The following VWA3B variants were observed in gnomAD, a reference collection of about 807,000 sequenced individuals.
VWA3B encodes von Willebrand factor A domain containing 3B, also known as von Willebrand factor A domain-containing protein 3B.
A neutral mutation model predicts 158.3 loss-of-function variants in VWA3B; 138 were observed. The observed-to-expected ratio is 0.87, with a 90% confidence interval of 0.76 to 1.00. The LOEUF (loss-of-function observed/expected upper bound fraction) is 1.00, where lower values mean the gene tolerates loss of function less well. Among genes scored for constraint, VWA3B ranks in the 50% least tolerant of loss-of-function variants. The pLI is 0.00. For missense variants in VWA3B, 1,555 were observed against 1,565.1 expected (o/e 0.99, Z 0.11); for synonymous variants, 596 against 587.3 (o/e 1.01, Z -0.21).
chr2:98,290,789 A>C, intron 23 of VWA3B, 167 bp downstream of exon 23: 1 of 557,850 alleles, frequency 1.8e-6, no homozygotes, highest in Non-Finnish European at 3.1e-6. Context: ...CAGCTCATGA[A>C]ATGAGCGTAT....
chr2:98,311,919 A>G lies in VWA3B; in HGVS notation c.3622A>G (p.Lys1208Glu). 2 of 1,609,882 alleles carry G rather than the reference A, an allele frequency of 1.2e-6. No homozygotes were observed. Among genetic ancestry groups the G allele is most frequent in the Non-Finnish European group, 1.7e-6 (2 of 1,178,136 alleles). The change falls in exon 27 of 28, where the codon AAA (lysine) becomes GAA (glutamate). Residue 1208 changes from lysine to glutamate, a missense_variant. Physicochemically the swap from Lys to Glu is moderately conservative, Grantham distance 56. Coordinates refer to ENST00000477737, the MANE Select transcript of VWA3B (RefSeq NM_144992.5). ...REPRREKPRR[K>E]KRPAKQPLQQ... ...GCCAAGACGAGAGAAGCCCAGGAGG[A>G]AAAAGAGGCCCGCCAAGCAGCCACT...
At chr2:98,155,418 G>C (rs1431589965) in intron 7 of VWA3B, among the ~76,000 whole-genome samples, 1 of 152,188 alleles carries the variant, frequency 6.6e-6, no homozygotes, top group Non-Finnish European at 1.5e-5. Flanking sequence ...CCAGTGTGGC[G>C]GTGGGGAGCT....
chr2:98,313,701 G>C (rs1004026409), downstream of VWA3B, among the ~76,000 whole-genome samples: 6 of 152,358 alleles, frequency 3.9e-5, no homozygotes, highest in East Asian at 1.9e-4. Context: ...TTGGAAGGTG[G>C]TTATCTTCCC....
intron 8 of VWA3B, among the ~76,000 whole-genome samples, chr2:98,179,888 CTCTCTTTCTT>C (rs1210458815): frequency 2.1e-5 from 3 of 140,970 alleles, no homozygotes; most frequent in South Asian, 2.3e-4. Context: ...CCCTCCCTCT[CTCTCTTTCTT>C]TCTCTTTCTT....
rs374927922 is a variant in VWA3B at position 98,228,319 on chromosome 2, G to A, written c.2137G>A (p.Asp713Asn). The A allele has an allele frequency of 6.2e-7, 1 of 1,613,376 alleles. No individual in the cohort carries two copies. Among genetic ancestry groups the A allele is most frequent in the Non-Finnish European group, 8.5e-7 (1 of 1,179,696 alleles). ...GGACTGGTGGTACAATGCAGAAAAGGATGGAGACAGCAAGTGAGCACCTCT... is the reference window on the plus strand; with the variant it reads ...GGACTGGTGGTACAATGCAGAAAAGAATGGAGACAGCAAGTGAGCACCTCT... Reference protein sequence around the residue: ...IMDWWYNAEKDGDSKHQKEIC... With the variant: ...IMDWWYNAEKNGDSKHQKEIC... The change falls in exon 15 of 28, where the codon GAT (aspartate) becomes AAT (asparagine). Residue 713 changes from aspartate (D) to asparagine (N), a missense_variant. Coordinates refer to ENST00000477737, the MANE Select transcript of VWA3B (RefSeq NM_144992.5).
chr2:98,189,876 C>T (rs1243477306), intron 10 of VWA3B, among the ~76,000 whole-genome samples: 1 of 151,948 alleles, frequency 6.6e-6, no homozygotes, highest in Non-Finnish European at 1.5e-5. Context: ...GTTTAACCGC[C>T]CTACATTATT....
chr2:98,125,697 C>T lies in VWA3B; in HGVS notation c.703-2542C>T, dbSNP rs548139178. 3.3e-5 allele frequency among the ~76,000 whole-genome samples: 5 copies of T among 152,272 alleles called. No individual in the cohort carries two copies. The highest frequency in any genetic ancestry group is 2.6e-4 in the Admixed American group (4 of 15,292). On this transcript the variant is annotated intron_variant, in intron 5 of 27. Coordinates refer to ENST00000477737, the MANE Select transcript of VWA3B (RefSeq NM_144992.5). This position sits in a 1 kb window ranked among gnomAD's most constrained non-coding sequence, Gnocchi z 4.1. Reference sequence around the variant, plus strand: ...TCTTTTTTTTTGAAACCGAGTCTCGCTCTGTCGCCCAGGCTGGAGTGCAGT... The same window carrying T: ...TCTTTTTTTTTGAAACCGAGTCTCGTTCTGTCGCCCAGGCTGGAGTGCAGT...
chr2:98,117,339 C>G (rs1674608950), intron 3 of VWA3B, among the ~76,000 whole-genome samples: 1 of 152,180 alleles, frequency 6.6e-6, no homozygotes, highest in Admixed American at 6.5e-5. Flanking sequence ...TTGGGTATAG[C>G]TGATTGGCTT....
chr2:98,257,711 C>T (rs1687241452), intron 21 of VWA3B, among the ~76,000 whole-genome samples: 1 of 151,876 alleles, frequency 6.6e-6, no homozygotes, highest in South Asian at 2.1e-4. Context: ...GTTCTTTGTC[C>T]ATTTTCCAAT....
At chr2:98,127,688 G>A (rs754436275) in intron 5 of VWA3B, among the ~76,000 whole-genome samples, 6 of 151,738 alleles carry the variant, frequency 4.0e-5, no homozygotes, top group African/African-American at 7.3e-5. Context: ...CACTGCAGGC[G>A]GACCTGGCAT....
chr2:98,187,403 T>C (rs1681166885), intron 9 of VWA3B, among the ~76,000 whole-genome samples: 1 of 151,826 alleles, frequency 6.6e-6, no homozygotes, highest in South Asian at 2.1e-4. Context: ...GGAGGTCCAC[T>C]GAGGAGGGCT....
Position 98,236,726 on chromosome 2 carries a change from A to T in VWA3B, c.2669A>T (p.Asp890Val), listed in dbSNP as rs1271662542. Residue 890 changes from aspartate to valine, a missense_variant, in exon 19 of 28, where the codon GAT (aspartate) becomes GTT (valine). Transcript: ENST00000477737. The part of the protein sequence containing the change: ...LDKHVVSKVF[D>V]EVFPLAHVCN... Reference sequence around the variant, plus strand: ...AAGCATGTCGTGTCTAAGGTCTTTGATGAGGTAAACTGATTGTCTATACGT... The same window carrying T: ...AAGCATGTCGTGTCTAAGGTCTTTGTTGAGGTAAACTGATTGTCTATACGT... The T allele has an allele frequency of 6.2e-7, 1 of 1,612,692 alleles. No individual in the cohort carries two copies. Among genetic ancestry groups the T allele is most frequent in the Non-Finnish European group, 8.5e-7 (1 of 1,179,696 alleles).
chr2:98,253,425 G>C (rs1558729946), intron 20 of VWA3B, among the ~76,000 whole-genome samples: 1 of 152,144 alleles, frequency 6.6e-6, no homozygotes, highest in Non-Finnish European at 1.5e-5. Flanking sequence ...GAGTCCTTTT[G>C]TCTCATTTTA....
chr2:98,121,000 A>G (rs1674914396), intron 4 of VWA3B, among the ~76,000 whole-genome samples: 1 of 152,236 alleles, frequency 6.6e-6, no homozygotes, highest in South Asian at 2.1e-4. Flanking sequence ...GTTTATAAAA[A>G]ATAACTTCTC....
intron 16 of VWA3B, among the ~76,000 whole-genome samples, chr2:98,232,236 A>G (rs575003549): frequency 6.6e-6 from 1 of 152,208 alleles, no homozygotes; most frequent in East Asian, 1.9e-4. Context: ...TAATTGGTCT[A>G]TTGTTTCTAA....
rs563241519 is a variant in VWA3B at position 98,285,779 on chromosome 2, A to G, written c.3046-4732A>G. Among the ~76,000 whole-genome samples, 5 of 152,206 alleles carry G rather than the reference A, an allele frequency of 3.3e-5. No individual in the cohort carries two copies. In the East Asian group the frequency reaches 9.6e-4, roughly 29 times the overall value. On this transcript the variant is annotated intron_variant, in intron 22 of 27. Coordinates refer to ENST00000477737, the MANE Select transcript of VWA3B (RefSeq NM_144992.5). ...TAGATTCAACTTCTCAATTTCTGCA[A>G]CAACAACAAAAAGAAAATCCAAAAA...
chr2:98,229,728 A>C lies in VWA3B; in HGVS notation c.2151-322A>C, dbSNP rs13385837. 8.3e-3 allele frequency among the ~76,000 whole-genome samples: 1,259 copies of C among 152,284 alleles called. 18 individuals are homozygous for C. Among genetic ancestry groups the C allele is most frequent in the African/African-American group, 0.029 (1,185 of 41,554 alleles). On this transcript the variant is annotated intron_variant, in intron 15 of 27. Transcript: ENST00000477737. ...CCATGTAGTCACTATATAGGTGTGC[A>C]GGTGACGTTTCCTGCAGTTGATGGA...
At chr2:98,194,946 G>C (rs1444357157) in intron 12 of VWA3B, among the ~76,000 whole-genome samples, 2 of 152,172 alleles carry the variant, frequency 1.3e-5, no homozygotes, top group Non-Finnish European at 2.9e-5. Flanking sequence ...TGCAAGAAGA[G>C]AGCTAGGGCA....
intron 2 of VWA3B, among the ~76,000 whole-genome samples, chr2:98,104,515 T>G (rs1345350515): frequency 6.6e-6 from 1 of 152,244 alleles, no homozygotes; most frequent in East Asian, 1.9e-4. Context: ...AAGCCATTCA[T>G]GAGGGATCTG....
Sources: gnomAD v4.1 joint callset for allele counts (sites outside exome capture counted in the v4.1 genomes callset) on GRCh38, gnomAD v4.1.1 for gene constraint, Gnocchi (gnomAD v3.1) non-coding constraint, MANE v1.5 for transcripts, NCBI Gene and HGNC (gene_info 2026-07-23, HGNC 2026-07-21) for gene names.